The following KIAA1549 variants were observed in gnomAD, a reference collection of about 807,000 sequenced individuals.
The protein encoded by KIAA1549 is KIAA1549.
In KIAA1549, 70 loss-of-function variants were observed where a neutral mutation model predicts 156.4. The observed-to-expected ratio is 0.45, with a 90% CI of 0.37 to 0.55. The LOEUF (loss-of-function observed/expected upper bound fraction) is 0.55, where lower values mean the gene tolerates loss of function less well. Ranked by LOEUF, KIAA1549 falls within the 20% of genes least tolerant of loss-of-function variation. The pLI, the probability that KIAA1549 is intolerant of heterozygous loss-of-function variation, is 0.00. For missense variants in KIAA1549, 2,428 were observed against 2,540.9 expected (o/e 0.96, Z 0.96); for synonymous variants, 1,103 against 1,066.4 (o/e 1.03, Z -0.67).
chr7:138,895,798 T>C (rs1811667930), intron 9 of KIAA1549, among the ~76,000 whole-genome samples: 1 of 152,070 alleles, frequency 6.6e-6, no homozygotes, highest in African/African-American at 2.4e-5. Context: ...GAAACTGAAG[T>C]CCTAATAAGC....
chr7:138,954,964 G>A (rs1813618575), intron 1 of KIAA1549, among the ~76,000 whole-genome samples: 1 of 152,182 alleles, frequency 6.6e-6, no homozygotes, highest in Non-Finnish European at 1.5e-5. Flanking sequence ...CACCGCCCAA[G>A]AGGCTGCTGG....
intron 3 of KIAA1549, 41 bp from the exon 4 acceptor site, chr7:138,911,364 G>A: frequency 7.0e-7 from 1 of 1,428,570 alleles, no homozygotes; most frequent in Non-Finnish European, 9.5e-7. Flanking sequence ...AAACTTAAAG[G>A]AAGTTGTGTT....
intron 1 of KIAA1549, among the ~76,000 whole-genome samples, chr7:138,925,844 A>G (rs1812699924): frequency 6.8e-6 from 1 of 146,318 alleles, no homozygotes; most frequent in Non-Finnish European, 1.5e-5. Context: ...AAAAAAAAAA[A>G]AAAAAAAAAA....
At chr7:138,927,436 G>A (rs149895496) in intron 1 of KIAA1549, among the ~76,000 whole-genome samples, 1,908 of 152,308 alleles carry the variant, frequency 0.013, 45 homozygotes, top group African/African-American at 0.043. Context: ...TCAAGAGATC[G>A]AGACCATCCT....
At chr7:138,923,343 G>A (rs1193753080) in intron 1 of KIAA1549, among the ~76,000 whole-genome samples, 2 of 152,250 alleles carry the variant, frequency 1.3e-5, no homozygotes, top group East Asian at 3.8e-4. Flanking sequence ...GCTCACGCCT[G>A]TAATCCCAGC....
chr7:138,834,814 T>C lies in KIAA1549; in HGVS notation c.*3092A>G. The C allele has an allele frequency of 4.3e-6, 1 of 232,286 alleles. No individual in the cohort carries two copies. The highest frequency in any genetic ancestry group is 8.5e-6 in the Non-Finnish European group (1 of 117,476). The allele number at this position is 232,286 out of a possible 1,614,324, so 14.4% of individuals were successfully genotyped here. A position where few individuals can be genotyped will look rare whatever the true frequency, so the allele number is the denominator to read the frequency against. On this transcript the variant is annotated 3_prime_UTR_variant, in exon 20 of 20. Transcript: ENST00000422774. ...GCTACATTTTCACAGTGCTTTATGCTCCCTCCTCACAGGACATCTGCACAC... is the reference window on the plus strand; with the variant it reads ...GCTACATTTTCACAGTGCTTTATGCCCCCTCCTCACAGGACATCTGCACAC...
intron 10 of KIAA1549, among the ~76,000 whole-genome samples, chr7:138,893,460 G>A (rs951756203): frequency 2.6e-5 from 4 of 152,194 alleles, no homozygotes; most frequent in African/African-American, 9.7e-5. Context: ...ACTGGAACCT[G>A]AAACTGACAC....
At chr7:138,910,996 C>T in intron 4 of KIAA1549, 150 bp downstream of exon 4, 1 of 653,960 alleles carries the variant, frequency 1.5e-6, no homozygotes, top group Non-Finnish European at 2.5e-6. Context: ...CACACCACTG[C>T]ATTCCAGCCT....
At chr7:138,954,793 C>T (rs1255578301) in intron 1 of KIAA1549, among the ~76,000 whole-genome samples, 2 of 152,166 alleles carry the variant, frequency 1.3e-5, no homozygotes, top group South Asian at 2.1e-4. Flanking sequence ...GGAAGATTCC[C>T]GTCCTGCAGA....
At chr7:138,927,318 T>C (rs572984853) in intron 1 of KIAA1549, among the ~76,000 whole-genome samples, 178 of 152,332 alleles carry the variant, frequency 1.2e-3, no homozygotes, top group Non-Finnish European at 1.1e-3. Flanking sequence ...GTTATGTACA[T>C]GTGTAGATAT....
Position 138,871,330 on chromosome 7 carries a change from G to T in KIAA1549, c.4378C>A (p.His1460Asn), listed in dbSNP as rs908169146. The change falls in exon 13 of 20, where the codon CAC becomes AAC. Residue 1460 changes from histidine (H) to asparagine (N), a missense_variant. Physicochemically the swap from His to Asn is moderately conservative, Grantham distance 68. This residue lies in a region of KIAA1549 where 404 missense variants were observed against 417.0 expected (regional missense o/e 0.97). Transcript: ENST00000422774. ...PPLPSSGNEQHSSASIFEHVD... is the reference protein window; with the variant it reads ...PPLPSSGNEQNSSASIFEHVD... ...TGCTCGAAGATGGAGGCTGATGAGT[G>T]CTGCTCATTTCCCGAACTGGGCAGT... is the stretch of plus-strand genomic sequence containing the variant. 1.9e-6 allele frequency: 3 copies of T among 1,578,502 alleles called. No homozygotes were observed. Among genetic ancestry groups the T allele is most frequent in the Non-Finnish European group, 2.6e-6 (3 of 1,162,922 alleles).
At chr7:138,880,765 C>A (rs1199964578) in intron 11 of KIAA1549, among the ~76,000 whole-genome samples, 1 of 152,066 alleles carries the variant, frequency 6.6e-6, no homozygotes, top group Admixed American at 6.6e-5. Context: ...TTCCAGGTAG[C>A]CTGGAAAACT....
At chr7:138,948,862 C>T (rs1343836732) in intron 1 of KIAA1549, among the ~76,000 whole-genome samples, 2 of 151,840 alleles carry the variant, frequency 1.3e-5, no homozygotes, top group Non-Finnish European at 2.9e-5. Flanking sequence ...GCCACCATGC[C>T]TGGCTAATTT....
chr7:138,894,589 T>TAAGAC lies in KIAA1549; in HGVS notation c.3848-64_3848-63insGTCTT. 15 of 1,515,088 alleles carry TAAGAC rather than the reference T, an allele frequency of 9.9e-6. No individual in the cohort carries two copies. The South Asian group carries it at 1.7e-4, about 17-fold the overall frequency. 93.9% of individuals were successfully genotyped at this position (1,515,088 alleles called of 1,614,324 possible). A position where few individuals can be genotyped will look rare whatever the true frequency, so the allele number is the denominator to read the frequency against. On this transcript the variant is annotated intron_variant, in intron 9 of 19. Transcript: ENST00000422774. ...CTTCACTCATGCACTAGATTGCACG[T>TAAGAC]GTCTTCTATGAGAAACTCAGAAGTC... is the stretch of plus-strand genomic sequence containing the variant.
At chr7:138,899,793 C>A (rs1363853967) in intron 8 of KIAA1549, among the ~76,000 whole-genome samples, 1 of 152,176 alleles carries the variant, frequency 6.6e-6, no homozygotes, top group Non-Finnish European at 1.5e-5. Flanking sequence ...GACAATAAAC[C>A]TCATAAATTC....
At chr7:138,910,361 G>C (rs1812133330) in intron 4 of KIAA1549, among the ~76,000 whole-genome samples, 1 of 150,916 alleles carries the variant, frequency 6.6e-6, no homozygotes, top group South Asian at 2.1e-4. Context: ...AACTTAGGAA[G>C]ACCCCATCTC....
chr7:138,970,438 G>C (rs1028180974), intron 1 of KIAA1549, among the ~76,000 whole-genome samples: 5 of 152,204 alleles, frequency 3.3e-5, no homozygotes, highest in African/African-American at 1.2e-4. Context: ...CCTACCCTCA[G>C]TTTTGCCCGA....
chr7:138,970,228 C>A (rs1482201212), intron 1 of KIAA1549, among the ~76,000 whole-genome samples: 2 of 152,222 alleles, frequency 1.3e-5, no homozygotes, highest in East Asian at 3.8e-4. Flanking sequence ...CTGCCTCCAT[C>A]TCAGCTTCGA....
At chr7:138,899,326 G>C (rs1015271916) in intron 8 of KIAA1549, among the ~76,000 whole-genome samples, 194 bp from the exon 9 acceptor site, 3 of 152,148 alleles carry the variant, frequency 2.0e-5, no homozygotes, top group South Asian at 2.1e-4. Flanking sequence ...GAGTTCCTTT[G>C]TGTGGAGTAA....
Sources: gnomAD v4.1 joint callset for allele counts (sites outside exome capture counted in the v4.1 genomes callset) on GRCh38, gnomAD v4.1.1 for gene constraint, gnomAD v4.1.1 regional missense constraint, MANE v1.5 for transcripts, NCBI Gene and HGNC (gene_info 2026-07-23, HGNC 2026-07-21) for gene names.